The following LINC01488 variants were observed in gnomAD, a reference collection of about 807,000 sequenced individuals.
LINC01488 encodes the protein CCND1-upstream intergenic DNA repair 1.
chr11:69,490,708 C>T (rs1857206772), intron 2 of LINC01488: 1 of 152,290 alleles, frequency 6.6e-6, no homozygotes, highest in South Asian at 2.1e-4. Context: ...AGTTCTACCA[C>T]ATCCTAGGGT....
At chr11:69,483,127 A>G (rs1857064679) in intron 1 of LINC01488, among the ~76,000 whole-genome samples, 1 of 152,198 alleles carries the variant, frequency 6.6e-6, no homozygotes, top group Non-Finnish European at 1.5e-5. Flanking sequence ...GTGGGTACTC[A>G]TGACTTCCCA....
intron 1 of LINC01488, among the ~76,000 whole-genome samples, chr11:69,483,567 G>A (rs146015316): frequency 0.011 from 1,689 of 152,284 alleles, 33 homozygotes; most frequent in African/African-American, 0.039. Flanking sequence ...GTAGAACAGC[G>A]TCGGGACTTG....
chr11:69,483,985 G>A (rs1229817830), intron 1 of LINC01488, among the ~76,000 whole-genome samples: 2 of 152,234 alleles, frequency 1.3e-5, no homozygotes, highest in African/African-American at 4.8e-5. Flanking sequence ...CTGGGGCTCT[G>A]GGTGATGCCC....
At chr11:69,488,852 A>G (rs1413214226) in intron 1 of LINC01488, among the ~76,000 whole-genome samples, 2 of 152,052 alleles carry the variant, frequency 1.3e-5, no homozygotes, top group Non-Finnish European at 2.9e-5. Context: ...CAGGCTTGGG[A>G]GGGTGAGGCC....
chr11:69,483,185 C>G (rs1351911814), intron 1 of LINC01488, among the ~76,000 whole-genome samples: 6 of 152,182 alleles, frequency 3.9e-5, no homozygotes, highest in Non-Finnish European at 8.8e-5. Flanking sequence ...GGGAGGGCAG[C>G]CATCTGCTTT....
intron 1 of LINC01488, among the ~76,000 whole-genome samples, chr11:69,485,335 G>A (rs543496475): frequency 1.1e-4 from 16 of 152,154 alleles, no homozygotes; most frequent in Non-Finnish European, 2.1e-4. Flanking sequence ...GAATAAATGT[G>A]CTGGGGGCTC....
intron 1 of LINC01488, among the ~76,000 whole-genome samples, chr11:69,483,865 G>C (rs1194284980): frequency 6.6e-6 from 1 of 152,230 alleles, no homozygotes; most frequent in African/African-American, 2.4e-5. Flanking sequence ...TGCCGAGGCG[G>C]GTGCCTCCCG....
At chr11:69,482,517 C>T (rs923643326) in intron 1 of LINC01488, among the ~76,000 whole-genome samples, 3 of 138,614 alleles carry the variant, frequency 2.2e-5, no homozygotes, top group African/African-American at 8.1e-5. Flanking sequence ...AGTGGATGGA[C>T]GGATGGATGA....
chr11:69,486,510 G>A (rs777376975), intron 1 of LINC01488, among the ~76,000 whole-genome samples: 7 of 152,222 alleles, frequency 4.6e-5, no homozygotes, highest in Non-Finnish European at 7.3e-5. Flanking sequence ...CAAGGGGCCC[G>A]TGGGCCCAGG....
chr11:69,488,728 C>G (rs561759736), intron 1 of LINC01488, among the ~76,000 whole-genome samples: 1 of 152,224 alleles, frequency 6.6e-6, no homozygotes, highest in African/African-American at 2.4e-5. Flanking sequence ...AGGAGCCAGG[C>G]CTTCCAGTCT....
chr11:69,489,672 A>G (rs994538122), intron 1 of LINC01488, among the ~76,000 whole-genome samples: 1 of 152,204 alleles, frequency 6.6e-6, no homozygotes, highest in African/African-American at 2.4e-5. Context: ...CATAGGCCGT[A>G]GGCTCCCCCG....
At chr11:69,483,566 C>A (rs1455044790) in intron 1 of LINC01488, among the ~76,000 whole-genome samples, 1 of 152,130 alleles carries the variant, frequency 6.6e-6, no homozygotes, top group South Asian at 2.1e-4. Context: ...GGTAGAACAG[C>A]GTCGGGACTT....
intron 1 of LINC01488, among the ~76,000 whole-genome samples, chr11:69,485,099 G>T (rs1019988251): frequency 1.3e-5 from 2 of 152,194 alleles, no homozygotes; most frequent in Non-Finnish European, 2.9e-5. Context: ...GGGGGGCGGG[G>T]TGGAGTTCAT....
intron 1 of LINC01488, chr11:69,488,405 C>T (rs1425925042): frequency 6.6e-6 from 1 of 152,346 alleles, no homozygotes; most frequent in Non-Finnish European, 1.5e-5. Context: ...CAGGTCTGGC[C>T]TTTTCGGTCT....
At chr11:69,483,686 C>T (rs558213672) in intron 1 of LINC01488, among the ~76,000 whole-genome samples, 295 of 152,326 alleles carry the variant, frequency 1.9e-3, no homozygotes, top group African/African-American at 6.8e-3. Flanking sequence ...GCTGGCCAGG[C>T]AGCCCCAGCC....
chr11:69,490,031 C>T (rs1308902771), intron 1 of LINC01488, among the ~76,000 whole-genome samples: 1 of 152,200 alleles, frequency 6.6e-6, no homozygotes, highest in Non-Finnish European at 1.5e-5. Context: ...GATGCTCCAC[C>T]ACAGCATAGG....
chr11:69,490,160 T>G (rs1590872291), intron 1 of LINC01488, among the ~76,000 whole-genome samples: 1 of 152,186 alleles, frequency 6.6e-6, no homozygotes, highest in African/African-American at 2.4e-5. Flanking sequence ...GCCCCAGGGT[T>G]GGAGTGAAGC....
At chr11:69,481,812 A>C (rs1857050569) in intron 1 of LINC01488, 1 of 152,276 alleles carries the variant, frequency 6.6e-6, no homozygotes, top group Non-Finnish European at 1.5e-5. Context: ...TTGAGATCGT[A>C]AGCCCTTTAA....
At chr11:69,492,369 G>A (rs969726280) in exon 4 of LINC01488, 2 of 152,326 alleles carry the variant, frequency 1.3e-5, no homozygotes, top group African/African-American at 4.8e-5. Flanking sequence ...CCACAAAGGG[G>A]ACTTTGCAGG....
Sources: allele counts gnomAD v4.1 joint callset (sites outside exome capture counted in the v4.1 genomes callset), GRCh38; gene constraint gnomAD v4.1.1; transcripts MANE v1.5; gene names NCBI Gene and HGNC (gene_info 2026-07-23, HGNC 2026-07-21).